Variants in GBE1 observed in about 807,000 individuals in gnomAD.
GBE1 encodes the protein 1,4-alpha-glucan-branching enzyme.
In GBE1, 70 loss-of-function variants were observed where a neutral mutation model predicts 88.8. The ratio of observed to expected loss-of-function variants is 0.79; its 90% CI spans 0.65 to 0.96. GBE1 has a LOEUF of 0.96. GBE1 is among the 40% of genes least tolerant of loss of function. The pLI, the probability that GBE1 is intolerant of heterozygous loss-of-function variation, is 0.00. For synonymous variants in GBE1, 284 were observed against 300.1 expected, an observed-to-expected ratio of 0.95 and a Z score of 0.56; for missense variants, 872 against 871.0, an observed-to-expected ratio of 1.00 and a Z score of -0.01.
chr3:81,750,595 ATATATGTGTATATATATATATG>A (rs1706497737), intron 1 of GBE1, among the ~76,000 whole-genome samples: 2 of 40,712 alleles, frequency 4.9e-5, no homozygotes, highest in African/African-American at 2.1e-4. Flanking sequence ...ATACGTATAT[ATATATGTGTATATATATATATG>A]TATATATATA....
At chr3:81,610,276 T>C (rs1039220708) in intron 7 of GBE1, among the ~76,000 whole-genome samples, 23 of 152,310 alleles carry the variant, frequency 1.5e-4, no homozygotes, top group East Asian at 1.9e-4. Context: ...TGTTAATCAG[T>C]GAAGTATTTT....
intron 1 of GBE1, among the ~76,000 whole-genome samples, chr3:81,755,095 T>C (rs935925705): frequency 2.6e-5 from 4 of 151,972 alleles, no homozygotes; most frequent in Non-Finnish European, 5.9e-5. Context: ...TTAATAACCA[T>C]AATGTACAAA....
intron 6 of GBE1, among the ~76,000 whole-genome samples, chr3:81,644,969 T>C (rs1196002258): frequency 6.6e-6 from 1 of 152,084 alleles, no homozygotes; most frequent in East Asian, 1.9e-4. Context: ...AAGATGAAAA[T>C]GTCATTTACT....
chr3:81,548,108 C>G (rs549738020), intron 12 of GBE1, among the ~76,000 whole-genome samples: 1 of 151,332 alleles, frequency 6.6e-6, no homozygotes, highest in Non-Finnish European at 1.5e-5. Flanking sequence ...GTGACATTTG[C>G]CATTTTTTAA....
intron 7 of GBE1, among the ~76,000 whole-genome samples, chr3:81,615,815 T>C (rs1030306709): frequency 6.6e-6 from 1 of 152,238 alleles, no homozygotes; most frequent in African/African-American, 2.4e-5. Flanking sequence ...CTTGCTGGCA[T>C]GTATGACAAC....
chr3:81,621,863 T>C (rs1458351187), intron 7 of GBE1, among the ~76,000 whole-genome samples: 1 of 152,208 alleles, frequency 6.6e-6, no homozygotes, highest in Non-Finnish European at 1.5e-5. Context: ...TCTTGCCTTT[T>C]ATTTAAATGA....
chr3:81,711,524 T>C lies in GBE1; in HGVS notation c.144-5911A>G, dbSNP rs532677131. Among the ~76,000 whole-genome samples, 15 of 152,330 alleles carry C rather than the reference T, an allele frequency of 9.8e-5. No homozygotes were observed. The East Asian group carries it at 2.9e-3, about 29-fold the overall frequency. On this transcript the variant is annotated intron_variant, in intron 1 of 15. Transcript: ENST00000429644. ...GATGGTTGTAGATGTGTAGTATTAT[T>C]TCTGAGGGCTCTGTTCTGTTCCATT...
intron 2 of GBE1, among the ~76,000 whole-genome samples, chr3:81,674,173 T>C (rs940088247): frequency 1.3e-5 from 2 of 151,918 alleles, no homozygotes; most frequent in Non-Finnish European, 2.9e-5. Context: ...CATTCCTTTA[T>C]TAGTGTTTCT....
At chr3:81,717,000 T>C (rs1278855015) in intron 1 of GBE1, among the ~76,000 whole-genome samples, 1 of 152,204 alleles carries the variant, frequency 6.6e-6, no homozygotes, top group African/African-American at 2.4e-5. Flanking sequence ...GTGTCAAGTA[T>C]TGTCCCAAGC....
chr3:81,654,568 A>G (rs1038475660), intron 3 of GBE1: 7 of 152,302 alleles, frequency 4.6e-5, no homozygotes, highest in African/African-American at 1.4e-4. Flanking sequence ...CAGAAAACGC[A>G]CAGTTATTGA....
At chr3:81,696,337 A>G (rs1705594728) in intron 2 of GBE1, among the ~76,000 whole-genome samples, 1 of 152,220 alleles carries the variant, frequency 6.6e-6, no homozygotes, top group African/African-American at 2.4e-5. Flanking sequence ...ATGCAAAACG[A>G]TACTCAGATA....
intron 2 of GBE1, among the ~76,000 whole-genome samples, chr3:81,686,306 A>G (rs1362691426): frequency 1.3e-5 from 2 of 152,196 alleles, no homozygotes; most frequent in Non-Finnish European, 1.5e-5. Flanking sequence ...CTACTACTGC[A>G]GGAAGATAAA....
At chr3:81,495,155 G>A (rs550400022) in intron 15 of GBE1, among the ~76,000 whole-genome samples, 3 of 152,302 alleles carry the variant, frequency 2.0e-5, no homozygotes, top group South Asian at 2.1e-4. Context: ...TTGGGAGGCC[G>A]AGGCAGGTGG....
intron 7 of GBE1, among the ~76,000 whole-genome samples, chr3:81,608,219 C>T (rs1704128881): frequency 6.6e-6 from 1 of 152,268 alleles, no homozygotes; most frequent in South Asian, 2.1e-4. Flanking sequence ...GAATTTGTAA[C>T]CTCAACCCTA....
At chr3:81,622,164 T>C (rs556220486) in intron 7 of GBE1, among the ~76,000 whole-genome samples, 2 of 152,192 alleles carry the variant, frequency 1.3e-5, no homozygotes, top group African/African-American at 4.8e-5. Context: ...TTTCTCACTT[T>C]CCATTTTCTT....
intron 14 of GBE1, among the ~76,000 whole-genome samples, chr3:81,525,854 T>C (rs1702936312): frequency 6.6e-6 from 1 of 152,102 alleles, no homozygotes; most frequent in Non-Finnish European, 1.5e-5. Flanking sequence ...TGGTAGTTTG[T>C]ATTTCTGGGG....
intron 12 of GBE1, among the ~76,000 whole-genome samples, chr3:81,550,398 C>G (rs1703256697): frequency 6.6e-6 from 1 of 151,332 alleles, no homozygotes; most frequent in Admixed American, 6.6e-5. Context: ...CTTATTCAGC[C>G]TGAAGAAGTT....
At chr3:81,702,166 C>G (rs1705704959) in intron 2 of GBE1, among the ~76,000 whole-genome samples, 1 of 133,008 alleles carries the variant, frequency 7.5e-6, no homozygotes, top group Non-Finnish European at 1.6e-5. Flanking sequence ...TGTGTTAAGG[C>G]ATGGTTAGTT....
chr3:81,580,062 C>A (rs138531118), intron 11 of GBE1, among the ~76,000 whole-genome samples: 9 of 152,248 alleles, frequency 5.9e-5, no homozygotes, highest in Non-Finnish European at 1.3e-4. Flanking sequence ...CTGAAAAAAT[C>A]ATGTTTGCGT....
Sources: allele counts gnomAD v4.1 joint callset (sites outside exome capture counted in the v4.1 genomes callset), GRCh38; gene constraint gnomAD v4.1.1; transcripts MANE v1.5; gene names NCBI Gene and HGNC (gene_info 2026-07-23, HGNC 2026-07-21).